Variants in NETO2 observed in about 807,000 individuals in gnomAD.
NETO2 encodes neuropilin and tolloid-like protein 2.
A neutral mutation model predicts 62.5 loss-of-function variants in NETO2; 28 were observed. The ratio of observed to expected loss-of-function variants is 0.45; its 90% confidence interval spans 0.33 to 0.61. The LOEUF (loss-of-function observed/expected upper bound fraction) is 0.61. Ranked by LOEUF, NETO2 falls within the 20% of genes least tolerant of loss-of-function variation. The pLI is 0.02. For missense variants in NETO2, 548 were observed against 643.2 expected, an observed-to-expected ratio of 0.85 and a Z score of 1.60; for synonymous variants, 214 against 219.1, an observed-to-expected ratio of 0.98 and a Z score of 0.21.
At position 47,122,430 on chromosome 16, in the gene NETO2, TA is replaced by T. The variant is rs551166350; in HGVS notation, c.654+226del. On this transcript the variant is annotated intron_variant, in intron 6 of 8. Coordinates refer to ENST00000562435, the MANE Select transcript of NETO2 (RefSeq NM_018092.5). Reference sequence around the variant, plus strand: ...TCTTTTATAATTGAGAATCTTAATATATATGTAATATTCCTGAAGAATTTCA... The same window carrying T: ...TCTTTTATAATTGAGAATCTTAATATTATGTAATATTCCTGAAGAATTTCA... 2.9e-3 allele frequency among the ~76,000 whole-genome samples: 447 copies of T among 152,342 alleles called. 1 individual carries two copies. The highest frequency in any genetic ancestry group is 0.01 in the African/African-American group (425 of 41,570).
intron 7 of NETO2, among the ~76,000 whole-genome samples, chr16:47,098,569 G>C (rs1596710515): frequency 2.0e-5 from 3 of 152,312 alleles, no homozygotes; most frequent in Admixed American, 2.0e-4. Context: ...ACCTGAAAGT[G>C]ACAGGGAGAA....
intron 2 of NETO2, among the ~76,000 whole-genome samples, chr16:47,130,661 A>C (rs1964247292): frequency 1.3e-5 from 2 of 152,184 alleles, no homozygotes; most frequent in Non-Finnish European, 2.9e-5. Flanking sequence ...CCAAAAACAG[A>C]AGAGATGAAA....
At chr16:47,138,872 G>C (rs951885055) in intron 1 of NETO2, among the ~76,000 whole-genome samples, 1 of 152,156 alleles carries the variant, frequency 6.6e-6, no homozygotes, top group Non-Finnish European at 1.5e-5. Context: ...TAGAACACAG[G>C]CCGCCTTCCC....
chr16:47,114,792 G>T (rs1389231842), intron 6 of NETO2, among the ~76,000 whole-genome samples: 4 of 151,982 alleles, frequency 2.6e-5, no homozygotes, highest in African/African-American at 9.7e-5. Context: ...TTGCATCTAA[G>T]AACTCTTTGT....
chr16:47,101,543 C>G (rs887618534), intron 7 of NETO2, among the ~76,000 whole-genome samples: 8 of 152,224 alleles, frequency 5.3e-5, no homozygotes, highest in Non-Finnish European at 1.2e-4. Flanking sequence ...ACCCCATCGT[C>G]TCAGCCCAAA....
intron 7 of NETO2, among the ~76,000 whole-genome samples, chr16:47,088,388 G>C (rs1030604672): frequency 6.6e-6 from 1 of 152,206 alleles, no homozygotes; most frequent in African/African-American, 2.4e-5. Context: ...TTACAGGCGT[G>C]AGCCACTGTG....
intron 8 of NETO2, 146 bp from the exon 9 acceptor site, chr16:47,083,947 A>G: frequency 1.6e-6 from 1 of 621,594 alleles, no homozygotes; most frequent in Non-Finnish European, 2.7e-6. Context: ...GTTTTTAAAC[A>G]AATAAAACAA....
chr16:47,140,502 A>G (rs1964440612), intron 1 of NETO2, among the ~76,000 whole-genome samples: 1 of 152,168 alleles, frequency 6.6e-6, no homozygotes, highest in Non-Finnish European at 1.5e-5. Flanking sequence ...TTTGATTTCA[A>G]CTTGTTTTGT....
At chr16:47,123,361 C>G (rs929052488) in intron 4 of NETO2, among the ~76,000 whole-genome samples, 6 of 152,138 alleles carry the variant, frequency 3.9e-5, no homozygotes, top group African/African-American at 1.4e-4. Context: ...TTAAAGAGAG[C>G]TAGGCATGGT....
Position 47,083,529 on chromosome 16 carries a change from T to C in NETO2, c.1270A>G (p.Lys424Glu). Reference protein sequence around the residue: ...DLSEELDNYQKMRRSSTASRC... With the variant: ...DLSEELDNYQEMRRSSTASRC... ...GAGGCGGTGGAGGAGCGCCGCATCT[T>C]CTGGTAGTTGTCCAATTCTTCCGAC... The change falls in exon 9 of 9, where the codon AAG becomes GAG. Residue 424 changes from lysine (K) to glutamate (E), a missense_variant. Transcript: ENST00000562435. 6.2e-7 allele frequency: 1 copy of C among 1,614,208 alleles called. No individual in the cohort carries two copies. Among genetic ancestry groups the C allele is most frequent in the South Asian group, 1.1e-5 (1 of 91,086 alleles).
intron 3 of NETO2, among the ~76,000 whole-genome samples, chr16:47,128,994 A>G (rs1307536881): frequency 6.6e-6 from 1 of 152,256 alleles, no homozygotes; most frequent in African/African-American, 2.4e-5. Context: ...TTTTTCATAC[A>G]TACTAATGTA....
chr16:47,143,614 T>C lies in NETO2; in HGVS notation c.-2A>G. ...CGAGCAGAGCCGCTCCAGGGCCATG[T>C]TCCCGAGCTGCCCGGCGCTTCGCGA... On this transcript the variant is annotated 5_prime_UTR_variant, in exon 1 of 9. Coordinates refer to ENST00000562435, the MANE Select transcript of NETO2 (RefSeq NM_018092.5). The C allele has an allele frequency of 8.2e-7, 1 of 1,221,528 alleles. No homozygotes were observed. Among genetic ancestry groups the C allele is most frequent in the Non-Finnish European group, 1.0e-6 (1 of 977,520 alleles). The allele number at this position is 1,221,528 out of a possible 1,614,324, so 75.7% of individuals were successfully genotyped here. A position where few individuals can be genotyped will look rare whatever the true frequency, so the allele number is the denominator to read the frequency against.
chr16:47,120,290 A>G (rs1014347486), intron 6 of NETO2, among the ~76,000 whole-genome samples: 1 of 152,152 alleles, frequency 6.6e-6, no homozygotes, highest in Non-Finnish European at 1.5e-5. Context: ...CATAAACAAG[A>G]TATATTTGGA....
At chr16:47,123,628 T>C (rs1041054381) in intron 4 of NETO2, among the ~76,000 whole-genome samples, 44 of 152,342 alleles carry the variant, frequency 2.9e-4, no homozygotes, top group Admixed American at 1.0e-3. Context: ...AACCTGTGTA[T>C]ATACCTAACA....
Position 47,082,069 on chromosome 16 carries a change from T to C in NETO2, c.*1152A>G, listed in dbSNP as rs1265440736. The C allele has an allele frequency of 6.6e-6, 1 of 152,596 alleles. No individual in the cohort carries two copies. Among genetic ancestry groups the C allele is most frequent in the East Asian group, 1.9e-4 (1 of 5,202 alleles). The allele number at this position is 152,596 out of a possible 1,614,324, so 9.5% of individuals were successfully genotyped here. Reference sequence around the variant, plus strand: ...GTACAGTATCAAATAATATCAAAAGTCTAAAAAACACAATGAGCTTTTATG... The same window carrying C: ...GTACAGTATCAAATAATATCAAAAGCCTAAAAAACACAATGAGCTTTTATG... On this transcript the variant is annotated 3_prime_UTR_variant, in exon 9 of 9. Coordinates refer to ENST00000562435, the MANE Select transcript of NETO2 (RefSeq NM_018092.5).
chr16:47,125,520 A>G lies in NETO2; in HGVS notation c.482-2608T>C, dbSNP rs534588161. On this transcript the variant is annotated intron_variant, in intron 4 of 8. Transcript: ENST00000562435. ...ACCACCACGCCCAGCTAACTGTCGT[A>G]TTTTTAGTAGAGACGGGGTTTTGCC... is the stretch of plus-strand genomic sequence containing the variant. 3.3e-5 allele frequency among the ~76,000 whole-genome samples: 5 copies of G among 151,834 alleles called. No homozygotes were observed. In the South Asian group the frequency reaches 1.0e-3, roughly 32 times the overall value.
intron 7 of NETO2, among the ~76,000 whole-genome samples, chr16:47,097,742 G>T (rs570490540): frequency 3.3e-5 from 5 of 152,226 alleles, no homozygotes; most frequent in African/African-American, 1.2e-4. Flanking sequence ...ATACCTCACA[G>T]AAGGGGTCGA....
rs1286318006 is a variant in NETO2, at chr16:47,109,467, G to A, written c.883+16C>T. On this transcript the variant is annotated intron_variant, in intron 7 of 8. Transcript: ENST00000562435. ...ATATGTAAAAGATCTCAATACTATAGGAATTATTTACTTACGCTCCACAAA... is the reference window on the plus strand; with the variant it reads ...ATATGTAAAAGATCTCAATACTATAAGAATTATTTACTTACGCTCCACAAA... The A allele has an allele frequency of 3.8e-6, 6 of 1,576,288 alleles. No individual in the cohort carries two copies. The African/African-American group carries it at 6.8e-5, about 18-fold the overall frequency.
chr16:47,110,083 GGTGA>G (rs1326545291), intron 6 of NETO2, among the ~76,000 whole-genome samples: 2 of 151,916 alleles, frequency 1.3e-5, no homozygotes, highest in South Asian at 2.1e-4. Flanking sequence ...GTGATTAATT[GGTGA>G]GTTTCTTTTC....
Sources: allele counts gnomAD v4.1 joint callset (sites outside exome capture counted in the v4.1 genomes callset), GRCh38; gene constraint gnomAD v4.1.1; transcripts MANE v1.5; gene names NCBI Gene and HGNC (gene_info 2026-07-23, HGNC 2026-07-21).